Variants in USH2A observed in about 807,000 individuals in gnomAD.
USH2A encodes Usher syndrome 2A (autosomal recessive, mild).
Under a neutral mutation model 538.9 loss-of-function variants are expected in USH2A, and 443 were observed. The observed-to-expected ratio is 0.82, with a 90% confidence interval of 0.76 to 0.89. The LOEUF is 0.89. Ranked by LOEUF, USH2A falls within the 40% of genes least tolerant of loss-of-function variation. The pLI, the probability that USH2A is intolerant of heterozygous loss-of-function variation, is 0.00. For missense variants in USH2A, 6,633 were observed against 6,324.8 expected (o/e 1.05, Z -1.65); for synonymous variants, 2,413 against 2,273.5 (o/e 1.06, Z -1.75).
intron 43 of USH2A, among the ~76,000 whole-genome samples, chr1:215,872,438 G>A (rs771698260): frequency 6.6e-6 from 1 of 152,096 alleles, no homozygotes; most frequent in Non-Finnish European, 1.5e-5. Flanking sequence ...TTATGTTTCT[G>A]TTGCTATCTA....
intron 18 of USH2A, 76 bp from the exon 19 acceptor site, chr1:216,196,798 A>T: frequency 1.3e-6 from 2 of 1,485,136 alleles, no homozygotes; most frequent in Non-Finnish European, 1.8e-6. Context: ...TAATTCACAC[A>T]TTCATTTAGT....
At chr1:216,192,035 A>G (rs1358261753) in intron 19 of USH2A, among the ~76,000 whole-genome samples, 7 of 152,078 alleles carry the variant, frequency 4.6e-5, no homozygotes, top group East Asian at 1.9e-4. Flanking sequence ...TATCATGTAC[A>G]TAGAGTCAAT....
chr1:215,698,140 C>T (rs1335941520), intron 61 of USH2A, among the ~76,000 whole-genome samples: 1 of 152,182 alleles, frequency 6.6e-6, no homozygotes, highest in Non-Finnish European at 1.5e-5. Context: ...ATCCATGTCC[C>T]TGCAGAGGAC....
intron 34 of USH2A, among the ~76,000 whole-genome samples, chr1:215,993,792 T>G (rs1668067969): frequency 6.6e-6 from 1 of 152,164 alleles, no homozygotes; most frequent in Non-Finnish European, 1.5e-5. Context: ...TACTTATGTG[T>G]CAGAGTAGAT....
chr1:215,687,396 A>G (rs1159208321), intron 61 of USH2A, among the ~76,000 whole-genome samples: 2 of 152,054 alleles, frequency 1.3e-5, no homozygotes, highest in East Asian at 3.9e-4. Context: ...TTTAGAATAC[A>G]TCATTCATTT....
intron 15 of USH2A, among the ~76,000 whole-genome samples, chr1:216,212,790 C>A (rs1374110546): frequency 2.0e-5 from 3 of 151,740 alleles, no homozygotes; most frequent in Non-Finnish European, 4.4e-5. Context: ...ATTTCCTCTA[C>A]CCTCCAGTGT....
At chr1:216,130,604 T>C (rs2033354558) in intron 21 of USH2A, among the ~76,000 whole-genome samples, 2 of 147,172 alleles carry the variant, frequency 1.4e-5, no homozygotes, top group Admixed American at 1.4e-4. Flanking sequence ...ATATCATGTG[T>C]ATATATACTA....
intron 24 of USH2A, among the ~76,000 whole-genome samples, chr1:216,086,088 T>G (rs1030613942): frequency 2.0e-5 from 3 of 152,126 alleles, no homozygotes; most frequent in African/African-American, 7.2e-5. Flanking sequence ...AGGGTGATTT[T>G]TTTTCCTATC....
intron 64 of USH2A, 37 bp from the exon 65 acceptor site, chr1:215,650,838 A>T: frequency 4.6e-6 from 7 of 1,521,400 alleles, no homozygotes; most frequent in South Asian, 1.1e-5. Context: ...CAAAAGCAAG[A>T]TACCCTAAGG....
Position 215,813,869 on chromosome 1 carries a change from A to G in USH2A, c.9606T>C (p.Pro3202=). Residue 3202 remains proline (P), a synonymous_variant, in exon 49 of 72, where the codon CCT becomes CCC. Coordinates refer to ENST00000307340, the MANE Select transcript of USH2A (RefSeq NM_206933.4). ...CCNGVLYNPK[P]GHRCCEEKYI... Reference sequence around the variant, plus strand: ...ACTTTTCTTCACAACAGCGATGTCCAGGCTTGGGGTTATAGAGCACTCCGT... The same window carrying G: ...ACTTTTCTTCACAACAGCGATGTCCGGGCTTGGGGTTATAGAGCACTCCGT... The G allele has an allele frequency of 1.2e-6, 2 of 1,613,896 alleles. No homozygotes were observed. Among genetic ancestry groups the G allele is most frequent in the Non-Finnish European group, 1.7e-6 (2 of 1,179,834 alleles).
rs1245250416 is a variant in USH2A, at chr1:215,838,115, A to G, written c.9259-12T>C. 1 of 1,605,098 alleles carries G rather than the reference A, an allele frequency of 6.2e-7. No homozygotes were observed. The highest frequency in any genetic ancestry group is 2.2e-5 in the East Asian group (1 of 44,808). ...GTGCAGACTTCAACCTGCAAACATT[A>G]GTTTAGAAAAAATAAATGCAACCAT... On this transcript the variant is annotated splice_polypyrimidine_tract_variant and intron_variant, in intron 46 of 71. Transcript: ENST00000307340.
chr1:215,666,968 G>A (rs533906755), intron 64 of USH2A, among the ~76,000 whole-genome samples: 94 of 152,300 alleles, frequency 6.2e-4, no homozygotes, highest in African/African-American at 2.3e-3. Flanking sequence ...GTGTGTGCCT[G>A]TAATCCCAGC....
At chr1:215,760,181 G>A (rs1280574538) in intron 56 of USH2A, among the ~76,000 whole-genome samples, 1 of 152,132 alleles carries the variant, frequency 6.6e-6, no homozygotes, top group African/African-American at 2.4e-5. Context: ...GTGAAAGTAA[G>A]CATAATCGAG....
chr1:216,289,450 A>T (rs200308365), intron 10 of USH2A, 40 bp from the exon 11 acceptor site: 1 of 1,612,952 alleles, frequency 6.2e-7, no homozygotes, highest in Non-Finnish European at 8.5e-7. Context: ...CTTCTAATTC[A>T]TTAAAATCAG....
rs548121179 is a variant in USH2A at position 216,361,889 on chromosome 1, T to A, written c.784+3064A>T. Among the ~76,000 whole-genome samples the A allele has an allele frequency of 3.3e-5, 5 of 152,306 alleles. No individual in the cohort carries two copies. In the South Asian group the frequency reaches 1.0e-3, roughly 32 times the overall value. On this transcript the variant is annotated intron_variant, in intron 4 of 71. Coordinates refer to ENST00000307340, the MANE Select transcript of USH2A (RefSeq NM_206933.4). ...AAAAGAACACAAAAGAGTACCTACTTCATGATTTTATTTGTATGATAGTTT... is the reference window on the plus strand; with the variant it reads ...AAAAGAACACAAAAGAGTACCTACTACATGATTTTATTTGTATGATAGTTT...
intron 30 of USH2A, among the ~76,000 whole-genome samples, chr1:216,065,210 A>G (rs141696937): frequency 6.6e-6 from 1 of 152,284 alleles, no homozygotes; most frequent in East Asian, 1.9e-4. Context: ...CTCGCCTTCA[A>G]GAAGGTATCC....
At chr1:216,108,176 TACTA>T (rs1411594154) in intron 21 of USH2A, among the ~76,000 whole-genome samples, 4 of 151,944 alleles carry the variant, frequency 2.6e-5, no homozygotes, top group Admixed American at 6.6e-5. Flanking sequence ...ATTCATGATA[TACTA>T]ACTCTTTCTT....
At chr1:216,339,760 G>A (rs2038040281) in intron 4 of USH2A, among the ~76,000 whole-genome samples, 1 of 151,958 alleles carries the variant, frequency 6.6e-6, no homozygotes, top group Non-Finnish European at 1.5e-5. Context: ...AATTAAAGCA[G>A]ACATCAAGAA....
At chr1:215,975,885 T>A (rs1667609813) in intron 35 of USH2A, among the ~76,000 whole-genome samples, 1 of 152,218 alleles carries the variant, frequency 6.6e-6, no homozygotes, top group Admixed American at 6.5e-5. Flanking sequence ...AGAAATAGCA[T>A]TGAATCTGTA....
Sources: allele counts gnomAD v4.1 joint callset (sites outside exome capture counted in the v4.1 genomes callset), GRCh38; gene constraint gnomAD v4.1.1; transcripts MANE v1.5; gene names NCBI Gene and HGNC (gene_info 2026-07-23, HGNC 2026-07-21).